The following IHO1 variants were observed in gnomAD, a reference collection of about 807,000 sequenced individuals.
IHO1 encodes the protein interactor of HORMAD1 1.
In IHO1, 13 loss-of-function variants were observed where a neutral mutation model predicts 31.0. The ratio of observed to expected loss-of-function variants is 0.42; its 90% confidence interval spans 0.27 to 0.67. The LOEUF is 0.67. Among genes scored for constraint, IHO1 ranks in the 30% least tolerant of loss-of-function variants. The probability of loss-of-function intolerance (pLI) is 0.24; values close to 1 mark genes in which losing one functional copy is unlikely to be tolerated. For synonymous variants in IHO1, 221 were observed against 248.4 expected (o/e 0.89, Z 1.04); for missense variants, 599 against 687.5 (o/e 0.87, Z 1.44).
chr3:49,204,505 T>G (rs1451817741), intron 1 of IHO1, among the ~76,000 whole-genome samples: 1 of 152,172 alleles, frequency 6.6e-6, no homozygotes, highest in African/African-American at 2.4e-5. Flanking sequence ...CCCCAAAATT[T>G]TATACTTTCC....
intron 6 of IHO1, among the ~76,000 whole-genome samples, chr3:49,248,594 G>A (rs535700331): frequency 1.4e-3 from 208 of 152,080 alleles, no homozygotes; most frequent in Non-Finnish European, 2.0e-3. Flanking sequence ...TTAGCCAGGC[G>A]TGCTGGTGCA....
chr3:49,244,732 A>T lies in IHO1; in HGVS notation c.531A>T (p.Thr177=), dbSNP rs199508704. The T allele has an allele frequency of 2.8e-5, 45 of 1,613,356 alleles. 1 individual carries two copies. The Middle Eastern group carries it at 3.1e-3, about 112-fold the overall frequency. Residue 177 remains threonine (T), a splice_region_variant and synonymous_variant, in exon 6 of 8, where the codon ACA becomes ACT. Coordinates refer to ENST00000452691, the MANE Select transcript of IHO1 (RefSeq NM_001135197.2). ...ILDSLETVAK[T]LQETIQAQND... is the part of the protein sequence containing the mutation. The stretch of plus-strand genomic sequence containing the variant: ...ATTCTTTGGAGACTGTGGCCAAGAC[A>T]TGTGAGTGCCTCATGTTTGAGGTAT...
At chr3:49,252,421 C>CT (rs1033129180) in intron 6 of IHO1, among the ~76,000 whole-genome samples, 16 of 151,364 alleles carry the variant, frequency 1.1e-4, no homozygotes, top group Admixed American at 4.6e-4. Flanking sequence ...TTTTTCTTTT[C>CT]TTTTTTTTTA....
At chr3:49,213,836 G>C (rs1212297968) in intron 2 of IHO1, 2 of 193,672 alleles carry the variant, frequency 1.0e-5, no homozygotes, top group Admixed American at 1.0e-4. Flanking sequence ...ACACCTCCCT[G>C]CAAGCAGAGG....
chr3:49,228,428 G>A (rs923604061), intron 2 of IHO1: 1 of 391,378 alleles, frequency 2.6e-6, no homozygotes, highest in Non-Finnish European at 5.1e-6. Context: ...CTGGCCGACA[G>A]GTGCCCGGTA....
intron 4 of IHO1, 139 bp downstream of exon 4, chr3:49,241,528 T>TACACACACATACACACACACAC (rs2046630864): frequency 1.8e-6 from 1 of 554,724 alleles, no homozygotes; most frequent in African/African-American, 2.0e-5. Flanking sequence ...CCATAGGACT[T>TACACACACATACACACACACAC]ACACACACAT....
chr3:49,253,297 T>G (rs1469715550), intron 6 of IHO1, among the ~76,000 whole-genome samples: 1 of 151,932 alleles, frequency 6.6e-6, no homozygotes, highest in East Asian at 1.9e-4. Context: ...TGGTGGTGCA[T>G]GCCTGTAATC....
intron 2 of IHO1, among the ~76,000 whole-genome samples, chr3:49,218,737 C>G (rs1198841266): frequency 6.6e-6 from 1 of 152,172 alleles, no homozygotes. Context: ...CTTACACAAA[C>G]AGGTTATATA....
intron 1 of IHO1, among the ~76,000 whole-genome samples, chr3:49,201,790 C>T (rs1220715062): frequency 6.6e-6 from 1 of 152,090 alleles, no homozygotes; most frequent in East Asian, 1.9e-4. Context: ...TGATGGCGTG[C>T]ACCTGTGGTC....
intron 2 of IHO1, among the ~76,000 whole-genome samples, chr3:49,219,083 T>G (rs2107696325): frequency 6.6e-6 from 1 of 152,270 alleles, no homozygotes; most frequent in Non-Finnish European, 1.5e-5. Context: ...CTGAGGCGGA[T>G]GCATCACTTG....
Position 49,234,639 on chromosome 3 carries a change from G to A in IHO1, c.57-1909G>A, listed in dbSNP as rs115169234. On this transcript the variant is annotated intron_variant, in intron 2 of 7. Coordinates refer to ENST00000452691, the MANE Select transcript of IHO1 (RefSeq NM_001135197.2). ...CATAGCAACATATGAATTTGTGGGGGACACATCCAGTCCATAACAAGGCCT... is the reference window on the plus strand; with the variant it reads ...CATAGCAACATATGAATTTGTGGGGAACACATCCAGTCCATAACAAGGCCT... Among the ~76,000 whole-genome samples the A allele has an allele frequency of 4.5e-3, 689 of 152,080 alleles. 7 individuals are homozygous for A. Among genetic ancestry groups the A allele is most frequent in the African/African-American group, 0.016 (650 of 41,476 alleles).
At chr3:49,244,311 G>A in intron 4 of IHO1, 93 bp from the exon 5 acceptor site, 1 of 803,666 alleles carries the variant, frequency 1.2e-6, no homozygotes, top group East Asian at 2.5e-5. Context: ...TGCTATGCTA[G>A]GTAGAGATCT....
intron 1 of IHO1, among the ~76,000 whole-genome samples, chr3:49,209,461 C>T (rs1398652371): frequency 6.6e-6 from 1 of 151,672 alleles, no homozygotes; most frequent in Non-Finnish European, 1.5e-5. Context: ...TGGTGAGACC[C>T]TGTCTCTACT....
At chr3:49,210,591 G>T (rs572036134) in intron 1 of IHO1, among the ~76,000 whole-genome samples, 1 of 151,404 alleles carries the variant, frequency 6.6e-6, no homozygotes, top group African/African-American at 2.4e-5. Context: ...TAGAGACAGG[G>T]TTTCTTCATG....
At position 49,256,340 on chromosome 3, in the gene IHO1, C is replaced by CA. The variant is rs752732360; in HGVS notation, c.845dup (p.Asn282LysfsTer11). ...CGTCGCCACCTTTGGCCCAGAGCCT[C>CA]AATCTCACCAGGCAGGAAAAATACA... On this transcript the variant is annotated frameshift_variant, in exon 8 of 8. Transcript: ENST00000452691. LOFTEE classifies it low-confidence loss of function (END_TRUNC). The surrounding 1 kb of genome is among the most constrained non-coding windows in gnomAD (Gnocchi z 4.6). The CA allele has an allele frequency of 6.2e-7, 1 of 1,614,174 alleles. No homozygotes were observed. The highest frequency in any genetic ancestry group is 1.7e-5 in the Admixed American group (1 of 60,010).
chr3:49,195,895 A>T (rs1322126737), upstream of IHO1, among the ~76,000 whole-genome samples: 1 of 150,728 alleles, frequency 6.6e-6, no homozygotes, highest in Non-Finnish European at 1.5e-5. Flanking sequence ...AGGTCAGGAG[A>T]TGAGACCATC....
At position 49,251,324 on chromosome 3, in the gene IHO1, T is replaced by C. The variant is rs550503187; in HGVS notation, c.533-4066T>C. On this transcript the variant is annotated intron_variant, in intron 6 of 7. Coordinates refer to ENST00000452691, the MANE Select transcript of IHO1 (RefSeq NM_001135197.2). ...TTTTTTGAGGTGGAGTCTCTCTCTG[T>C]CGCCAGGCTGGAGTGTAGTGGCACA... Among the ~76,000 whole-genome samples, 394 of 147,914 alleles carry C rather than the reference T, an allele frequency of 2.7e-3. 3 individuals are homozygous for C. Among genetic ancestry groups the C allele is most frequent in the African/African-American group, 9.2e-3 (365 of 39,860 alleles).
the IHO1 span, among the ~76,000 whole-genome samples, chr3:49,193,398 A>G: frequency 7.5e-4 from 113 of 149,872 alleles, no homozygotes; most frequent in African/African-American, 2.6e-3. Flanking sequence ...CAAAACAAAA[A>G]CCGTAAAGAT....
intron 1 of IHO1, among the ~76,000 whole-genome samples, chr3:49,205,573 G>T (rs889830759): frequency 6.6e-6 from 1 of 151,408 alleles, no homozygotes. Context: ...CGATTACAGC[G>T]TGAACCACTA....
Sources: allele counts gnomAD v4.1 joint callset (sites outside exome capture counted in the v4.1 genomes callset), GRCh38; gene constraint gnomAD v4.1.1; non-coding constraint Gnocchi (gnomAD v3.1); transcripts MANE v1.5; gene names NCBI Gene and HGNC (gene_info 2026-07-23, HGNC 2026-07-21).